Variants in ELAVL3 observed in about 807,000 individuals in gnomAD.
ELAVL3 encodes the protein ELAV like RNA binding protein 3, also known as ELAV-like protein 3.
In ELAVL3, 8 loss-of-function variants were observed where a neutral mutation model predicts 34.2. That is an observed-to-expected ratio of 0.23 (90% CI 0.14 to 0.42). ELAVL3 has a LOEUF of 0.42. ELAVL3 is among the 10% of genes least tolerant of loss of function. The pLI is 1.00. For missense variants in ELAVL3, 273 were observed against 518.8 expected (o/e 0.53, Z 4.60); for synonymous variants, 209 against 222.1 (o/e 0.94, Z 0.53).
In ELAVL3 at chr19:11,454,354, C is replaced by G; in HGVS notation, c.*172G>C. ...GGCACCCCCCCAATTCCCTGCAGAC[C>G]CTCCCACCCCAGAGTGCTCACCCTG... is the stretch of plus-strand genomic sequence containing the variant. On this transcript the variant is annotated 3_prime_UTR_variant, in exon 7 of 7. Transcript: ENST00000359227. The surrounding 1 kb of genome is among the most constrained non-coding windows in gnomAD (Gnocchi z 9.2). 1.8e-5 allele frequency: 12 copies of G among 653,704 alleles called. No individual in the cohort carries two copies. The South Asian group carries it at 2.3e-4, about 12-fold the overall frequency. 40.5% of individuals were successfully genotyped at this position (653,704 alleles called of 1,614,324 possible). A position where few individuals can be genotyped will look rare whatever the true frequency, so the allele number is the denominator to read the frequency against.
chr19:11,456,985 G>A (rs1970781151), intron 6 of ELAVL3, 125 bp downstream of exon 6: 2 of 845,192 alleles, frequency 2.4e-6, no homozygotes, highest in East Asian at 6.6e-5. Context: ...ATCTCTCAAT[G>A]GCCATGCTAC....
intron 3 of ELAVL3, among the ~76,000 whole-genome samples, chr19:11,463,987 T>G (rs1199751042): frequency 7.3e-6 from 1 of 137,444 alleles, no homozygotes; most frequent in Non-Finnish European, 1.6e-5. Context: ...CCCCAAAAAA[T>G]CAAAAAACCA....
Position 11,454,786 on chromosome 19 carries a change from C to G in ELAVL3, c.844G>C (p.Ala282Pro). 6.2e-7 allele frequency: 1 copy of G among 1,612,362 alleles called. No individual in the cohort carries two copies. The highest frequency in any genetic ancestry group is 8.5e-7 in the Non-Finnish European group (1 of 1,179,754). The change falls in exon 7 of 7, where the codon GCC becomes CCC. Residue 282 changes from alanine to proline, a missense_variant. By Grantham distance (27) the Ala-to-Pro change is conservative. Transcript: ENST00000359227. The surrounding 1 kb of genome is among the most constrained non-coding windows in gnomAD (Gnocchi z 9.2). ...GVGLSGGAAG[A>P]GWCIFVYNLS... ...TTGTACACGAAGATGCACCAGCCGGCGCCCGCCGCGCCCCCCGACAGGCCC... is the reference window on the plus strand; with the variant it reads ...TTGTACACGAAGATGCACCAGCCGGGGCCCGCCGCGCCCCCCGACAGGCCC...
Position 11,465,104 on chromosome 19 carries a change from A to T in ELAVL3, c.333+1068T>A, listed in dbSNP as rs572779063. On this transcript the variant is annotated intron_variant, in intron 3 of 6. Coordinates refer to ENST00000359227, the MANE Select transcript of ELAVL3 (RefSeq NM_001420.4). ...ACAGACACACACACACCACACACAC[A>T]TACACATACACCACACACATACACA... Among the ~76,000 whole-genome samples the T allele has an allele frequency of 5.1e-3, 719 of 140,330 alleles. 3 individuals are homozygous for T. The highest frequency in any genetic ancestry group is 8.7e-3 in the Non-Finnish European group (558 of 64,386). 92.1% of individuals were successfully genotyped at this position (140,330 alleles called of 152,430 possible).
At position 11,455,005 on chromosome 19, in the gene ELAVL3, T is replaced by G; in HGVS notation, c.753-128A>C. 3 of 710,806 alleles carry G rather than the reference T, an allele frequency of 4.2e-6. No homozygotes were observed. In the South Asian group the frequency reaches 7.9e-5, roughly 19 times the overall value. 44.0% of individuals were successfully genotyped at this position (710,806 alleles called of 1,614,324 possible). On this transcript the variant is annotated intron_variant, in intron 6 of 6. Transcript: ENST00000359227. ...GAATGGTGTGACCCCTGCAATGCAA[T>G]TTTTTTTTTTAGAGACACGGTCTCG...
chr19:11,464,884 TACACACACCACAC>T (rs1250876745), intron 3 of ELAVL3, among the ~76,000 whole-genome samples: 3 of 89,420 alleles, frequency 3.4e-5, no homozygotes, highest in Non-Finnish European at 5.9e-5. Flanking sequence ...CATACACACA[TACACACACCACAC>T]ACACCACAAA....
At position 11,451,440 on chromosome 19, in the gene ELAVL3, G is replaced by T. The variant is rs1266041055; in HGVS notation, c.*3086C>A. ...GATCCCGGTAATAAATAGTCTAAAC[G>T]CAACGCGAAGTGTTCTTGTTGGGTT... On this transcript the variant is annotated 3_prime_UTR_variant, in exon 7 of 7. Coordinates refer to ENST00000359227, the MANE Select transcript of ELAVL3 (RefSeq NM_001420.4). 1.4e-5 allele frequency: 2 copies of T among 144,942 alleles called. No individual in the cohort carries two copies. The highest frequency in any genetic ancestry group is 4.5e-4 in the South Asian group (2 of 4,434). The allele number at this position is 144,942 out of a possible 1,614,324, so 9.0% of individuals were successfully genotyped here.
At position 11,452,401 on chromosome 19, in the gene ELAVL3, G is replaced by T. The variant is rs1970666945; in HGVS notation, c.*2125C>A. On this transcript the variant is annotated 3_prime_UTR_variant, in exon 7 of 7. Transcript: ENST00000359227. Reference sequence around the variant, plus strand: ...ACGAGGAGAATAAATAGTTAACATAGCAATAAGTTAAAACTACAAGAAGCT... The same window carrying T: ...ACGAGGAGAATAAATAGTTAACATATCAATAAGTTAAAACTACAAGAAGCT... 6.6e-6 allele frequency: 1 copy of T among 150,508 alleles called. No individual in the cohort carries two copies. The highest frequency in any genetic ancestry group is 2.1e-4 in the South Asian group (1 of 4,788). The allele number at this position is 150,508 out of a possible 1,614,324, so 9.3% of individuals were successfully genotyped here.
chr19:11,472,932 T>A (rs1971193887), intron 1 of ELAVL3, among the ~76,000 whole-genome samples: 1 of 151,388 alleles, frequency 6.6e-6, no homozygotes, highest in African/African-American at 2.4e-5. Context: ...CCAGGTGGGG[T>A]GGTGGGCACC....
At chr19:11,470,533 C>T (rs966623516) in intron 1 of ELAVL3, among the ~76,000 whole-genome samples, 24 of 151,440 alleles carry the variant, frequency 1.6e-4, no homozygotes, top group African/African-American at 5.1e-4. Context: ...AAAAATTAGC[C>T]GGGCGTGGTG....
chr19:11,460,238 C>G (rs1180440905), intron 3 of ELAVL3, among the ~76,000 whole-genome samples: 2 of 152,230 alleles, frequency 1.3e-5, no homozygotes, highest in African/African-American at 4.8e-5. Flanking sequence ...TCCTCCTTAT[C>G]CAGAATCCAC....
intron 3 of ELAVL3, among the ~76,000 whole-genome samples, chr19:11,465,734 TG>T (rs1971040040): frequency 6.6e-6 from 1 of 151,854 alleles, no homozygotes; most frequent in Admixed American, 6.6e-5. Context: ...CTGCAGCTGC[TG>T]AGAAGGGAGG....
rs746022996 is a variant in ELAVL3 at position 11,454,697 on chromosome 19, G to C, written c.933C>G (p.Thr311=). Residue 311 remains threonine (T), a synonymous_variant, in exon 7 of 7, where the codon ACC becomes ACG. Coordinates refer to ENST00000359227, the MANE Select transcript of ELAVL3 (RefSeq NM_001420.4). This position sits in a 1 kb window ranked among gnomAD's most constrained non-coding sequence, Gnocchi z 9.2. ...WQLFGPFGAV[T]NVKVIRDFTT... ...TGAAATCACGGATGACCTTGACGTT[G>C]GTGACTGCCCCAAAAGGCCCGAACA... is the stretch of plus-strand genomic sequence containing the variant. 3.7e-6 allele frequency: 6 copies of C among 1,614,210 alleles called. No individual in the cohort carries two copies. In the East Asian group the frequency reaches 1.3e-4, roughly 36 times the overall value.
rs2144873478 is a variant in ELAVL3 at position 11,454,362 on chromosome 19, C to G, written c.*164G>C. 1.5e-6 allele frequency: 1 copy of G among 689,500 alleles called. No individual in the cohort carries two copies. The highest frequency in any genetic ancestry group is 2.7e-5 in the East Asian group (1 of 36,496). The allele number at this position is 689,500 out of a possible 1,614,324, so 42.7% of individuals were successfully genotyped here. ...CCCAATTCCCTGCAGACCCTCCCAC[C>G]CCAGAGTGCTCACCCTGTGGCTTCC... On this transcript the variant is annotated 3_prime_UTR_variant, in exon 7 of 7. Coordinates refer to ENST00000359227, the MANE Select transcript of ELAVL3 (RefSeq NM_001420.4). This position sits in a 1 kb window ranked among gnomAD's most constrained non-coding sequence, Gnocchi z 9.2.
intron 1 of ELAVL3, among the ~76,000 whole-genome samples, chr19:11,476,683 G>A (rs1971269246): frequency 6.6e-6 from 1 of 152,014 alleles, no homozygotes; most frequent in Admixed American, 6.6e-5. Flanking sequence ...AGGATCACCT[G>A]AGGTCAGGAG....
chr19:11,472,749 GAGA>G (rs1022949038), intron 1 of ELAVL3, among the ~76,000 whole-genome samples: 6 of 151,648 alleles, frequency 4.0e-5, no homozygotes, highest in African/African-American at 1.5e-4. Flanking sequence ...GAGGGAGAAC[GAGA>G]AGGAGAAGGA....
intron 6 of ELAVL3, among the ~76,000 whole-genome samples, chr19:11,456,192 G>A (rs374340625): frequency 3.4e-5 from 5 of 145,936 alleles, no homozygotes; most frequent in African/African-American, 5.1e-5. Context: ...TGCAACCTCC[G>A]CCTCCTGGGT....
rs530880801 is a variant in ELAVL3 at position 11,466,938 on chromosome 19, T to C, written c.10-111A>G. On this transcript the variant is annotated intron_variant, in intron 1 of 6. Transcript: ENST00000359227. This position sits in a 1 kb window ranked among gnomAD's most constrained non-coding sequence, Gnocchi z 5.0. ...GCCATGTCTTATAGGGGCTTCGTCATGGGGAGGGGTCACTTTATTATTCTA... is the reference window on the plus strand; with the variant it reads ...GCCATGTCTTATAGGGGCTTCGTCACGGGGAGGGGTCACTTTATTATTCTA... 1.6e-4 allele frequency: 128 copies of C among 791,232 alleles called. No homozygotes were observed. The highest frequency in any genetic ancestry group is 8.4e-4 in the Admixed American group (30 of 35,564). 49.0% of individuals were successfully genotyped at this position (791,232 alleles called of 1,614,324 possible). A position where few individuals can be genotyped will look rare whatever the true frequency, so the allele number is the denominator to read the frequency against.
chr19:11,472,790 C>T (rs886128429), intron 1 of ELAVL3, among the ~76,000 whole-genome samples: 1 of 152,050 alleles, frequency 6.6e-6, no homozygotes, highest in African/African-American at 2.4e-5. Context: ...AGAAGCCAGG[C>T]GTGGTGGCTC....
Sources: gnomAD v4.1 joint callset for allele counts (sites outside exome capture counted in the v4.1 genomes callset) on GRCh38, gnomAD v4.1.1 for gene constraint, Gnocchi (gnomAD v3.1) non-coding constraint, MANE v1.5 for transcripts, NCBI Gene and HGNC (gene_info 2026-07-23, HGNC 2026-07-21) for gene names.